The following ZNF783 variants were observed in gnomAD, a reference collection of about 807,000 sequenced individuals.
The protein encoded by ZNF783 is zinc finger protein 783.
In ZNF783, 25 loss-of-function variants were observed where a neutral mutation model predicts 31.3. The ratio of observed to expected loss-of-function variants is 0.80; its 90% CI spans 0.58 to 1.11. ZNF783 has a LOEUF of 1.11. Among genes scored for constraint, ZNF783 ranks in the 50% most tolerant of loss-of-function variants. The pLI, the probability that ZNF783 is intolerant of heterozygous loss-of-function variation, is 0.00. For missense variants in ZNF783, 797 were observed against 760.0 expected (o/e 1.05, Z -0.57); for synonymous variants, 369 against 319.1 (o/e 1.16, Z -1.66).
At chr7:149,273,516 C>T (rs1797256816) in intron 4 of ZNF783, among the ~76,000 whole-genome samples, 2 of 150,874 alleles carry the variant, frequency 1.3e-5, no homozygotes, top group Admixed American at 1.3e-4. Context: ...TGTTGAGCAC[C>T]TTTTCATATA....
chr7:149,267,233 G>A lies in ZNF783; in HGVS notation c.673+11G>A, dbSNP rs1331185253. Reference sequence around the variant, plus strand: ...GGATGATGGGCACTGGTAAGTATAGGAGCCAGATGTGGTTGGGGGGCCGCC... The same window carrying A: ...GGATGATGGGCACTGGTAAGTATAGAAGCCAGATGTGGTTGGGGGGCCGCC... On this transcript the variant is annotated intron_variant, in intron 4 of 5. Transcript: ENST00000434415. 5.7e-6 allele frequency: 9 copies of A among 1,573,696 alleles called. No individual in the cohort carries two copies. The highest frequency in any genetic ancestry group is 1.4e-5 in the African/African-American group (1 of 73,968).
rs1345249151 is a variant in ZNF783, at chr7:149,278,637, G to A, written c.802+110G>A. The A allele has an allele frequency of 7.3e-6, 11 of 1,513,626 alleles. No individual in the cohort carries two copies. In the Admixed American group the frequency reaches 2.1e-4, roughly 29 times the overall value. The allele number at this position is 1,513,626 out of a possible 1,614,324, so 93.8% of individuals were successfully genotyped here. ...TGGAAGCATGGGGCTGGGAGAGAGG[G>A]CTGGGAGACTGGTTGGGCTGGGCCG... On this transcript the variant is annotated intron_variant, in intron 5 of 5. Coordinates refer to ENST00000434415, the MANE Select transcript of ZNF783 (RefSeq NM_001195220.2).
chr7:149,267,353 A>T, intron 4 of ZNF783, 131 bp downstream of exon 4: 1 of 1,298,404 alleles, frequency 7.7e-7, no homozygotes. Flanking sequence ...AAGTGGGACC[A>T]CTCTGTACAA....
At chr7:149,268,038 C>T (rs992936832) in intron 4 of ZNF783, among the ~76,000 whole-genome samples, 7 of 152,226 alleles carry the variant, frequency 4.6e-5, no homozygotes, top group African/African-American at 1.7e-4. Context: ...CCAAAGGGGA[C>T]TGCACATCAC....
intron 4 of ZNF783, among the ~76,000 whole-genome samples, chr7:149,268,639 G>A (rs1027756919): frequency 6.6e-5 from 10 of 152,090 alleles, no homozygotes; most frequent in African/African-American, 2.4e-4. Flanking sequence ...GTCTATTTTT[G>A]CCAGGTTTAT....
intron 4 of ZNF783, chr7:149,276,653 T>A (rs956113863): frequency 1.3e-6 from 1 of 757,440 alleles, no homozygotes. Context: ...TTGGGTTACT[T>A]TTTATTTATT....
chr7:149,273,426 T>C (rs1329001049), intron 4 of ZNF783, among the ~76,000 whole-genome samples: 1 of 152,230 alleles, frequency 6.6e-6, no homozygotes, highest in Non-Finnish European at 1.5e-5. Context: ...ATTGCCCGTC[T>C]TTTGGATAAA....
Position 149,276,468 on chromosome 7 carries a change from C to T in ZNF783, c.674-1931C>T, listed in dbSNP as rs575724469. On this transcript the variant is annotated intron_variant, in intron 4 of 5. Transcript: ENST00000434415. ...CAACATTTTTAGGGGCAGTGTAACC[C>T]GTTGGTTTATAACTCTCCCGTACGT... The T allele has an allele frequency of 1.0e-5, 10 of 985,660 alleles. No homozygotes were observed. The East Asian group carries it at 7.9e-4, about 78-fold the overall frequency. 61.1% of individuals were successfully genotyped at this position (985,660 alleles called of 1,614,324 possible).
intron 4 of ZNF783, among the ~76,000 whole-genome samples, chr7:149,270,033 G>T (rs961530042): frequency 2.6e-5 from 4 of 152,134 alleles, no homozygotes; most frequent in Non-Finnish European, 5.9e-5. Context: ...GTATTCCATG[G>T]TGTATATGTG....
intron 4 of ZNF783, among the ~76,000 whole-genome samples, chr7:149,270,664 T>A (rs897438404): frequency 2.0e-5 from 3 of 152,242 alleles, no homozygotes; most frequent in African/African-American, 7.2e-5. Context: ...GAGCCTCTTT[T>A]TTAAGTTGGC....
At chr7:149,279,619 G>C (rs1357404850) in intron 5 of ZNF783, among the ~76,000 whole-genome samples, 3 of 146,688 alleles carry the variant, frequency 2.0e-5, no homozygotes, top group African/African-American at 7.6e-5. Context: ...GCTAGCACCA[G>C]CATTTTATCT....
intron 5 of ZNF783, 32 bp downstream of exon 5, chr7:149,278,559 C>T: frequency 6.3e-7 from 1 of 1,598,450 alleles, no homozygotes; most frequent in Non-Finnish European, 8.5e-7. Flanking sequence ...GCAGGATGAA[C>T]AGTGTCCCGA....
chr7:149,283,724 T>C lies in ZNF783; in HGVS notation c.*1381T>C, dbSNP rs1333648224. 6.6e-6 allele frequency: 1 copy of C among 152,248 alleles called. No individual in the cohort carries two copies. The highest frequency in any genetic ancestry group is 1.5e-5 in the Non-Finnish European group (1 of 68,060). The allele number at this position is 152,248 out of a possible 1,614,324, so 9.4% of individuals were successfully genotyped here. ...GGGTGAATCCTTTAGTCACAGCTAG[T>C]CTCATGTTCCTCTTCTGTCAAAGGG... On this transcript the variant is annotated 3_prime_UTR_variant, in exon 6 of 6. Transcript: ENST00000434415.
rs1423932122 is a variant in ZNF783, at chr7:149,282,123, C to G, written c.1421C>G (p.Ala474Gly). The G allele has an allele frequency of 1.9e-6, 3 of 1,598,846 alleles. No homozygotes were observed. The African/African-American group carries it at 4.0e-5, about 21-fold the overall frequency. The change falls in exon 6 of 6, where the codon GCC becomes GGC. Residue 474 changes from alanine to glycine, a missense_variant. Physicochemically the swap from Ala to Gly is moderately conservative, Grantham distance 60. Coordinates refer to ENST00000434415, the MANE Select transcript of ZNF783 (RefSeq NM_001195220.2). ...CCCGCCTGCCCCTACTGCGGCAAGG[C>G]CTTCCGCCGGCCCTCGGACCTCTTC... ...GWPACPYCGK[A>G]FRRPSDLFRH...
Position 149,281,725 on chromosome 7 carries a change from C to T in ZNF783, c.1023C>T (p.Leu341=), listed in dbSNP as rs1486880193. ...CCAGTGGGGAGACGCCCCGAGTCCTCTCCCGCAGGCGGCAGCGGGCATTCC... is the reference window on the plus strand; with the variant it reads ...CCAGTGGGGAGACGCCCCGAGTCCTTTCCCGCAGGCGGCAGCGGGCATTCC... ...PGASGETPRV[L]SRRRQRAFPC... The change falls in exon 6 of 6, where the codon CTC becomes CTT. Residue 341 remains leucine (L), a synonymous_variant. Transcript: ENST00000434415. 1.3e-6 allele frequency: 2 copies of T among 1,481,788 alleles called. No individual in the cohort carries two copies. Among genetic ancestry groups the T allele is most frequent in the East Asian group, 2.4e-5 (1 of 41,506 alleles). 91.8% of individuals were successfully genotyped at this position (1,481,788 alleles called of 1,614,324 possible).
chr7:149,281,889 C>A lies in ZNF783; in HGVS notation c.1187C>A (p.Pro396Gln). Reference sequence around the variant, plus strand: ...GGGGACAGCCAGGCCATGCTGGAGCCGGGGGAGGTGGTGGTACCCGGCCCT... The same window carrying A: ...GGGGACAGCCAGGCCATGCTGGAGCAGGGGGAGGTGGTGGTACCCGGCCCT... ...SCGDSQAMLEPGEVVVPGPVI... is the reference protein window; with the variant it reads ...SCGDSQAMLEQGEVVVPGPVI... Residue 396 changes from proline to glutamine, a missense_variant, in exon 6 of 6, where the codon CCG becomes CAG. Transcript: ENST00000434415. The A allele has an allele frequency of 6.6e-7, 1 of 1,511,326 alleles. No homozygotes were observed. The highest frequency in any genetic ancestry group is 8.8e-7 in the Non-Finnish European group (1 of 1,136,150). 93.6% of individuals were successfully genotyped at this position (1,511,326 alleles called of 1,614,324 possible).
chr7:149,267,657 C>T lies in ZNF783; in HGVS notation c.673+435C>T, dbSNP rs139071302. Among the ~76,000 whole-genome samples, 341 of 152,124 alleles carry T rather than the reference C, an allele frequency of 2.2e-3. 2 individuals carry two copies. The highest frequency in any genetic ancestry group is 0.01 in the Middle Eastern group (3 of 294). Reference sequence around the variant, plus strand: ...GTAAAAATACAAAAAATTAGCCGGGCGTGGTGGCAGGCGCCTGTAGTCCCA... The same window carrying T: ...GTAAAAATACAAAAAATTAGCCGGGTGTGGTGGCAGGCGCCTGTAGTCCCA... On this transcript the variant is annotated intron_variant, in intron 4 of 5. Coordinates refer to ENST00000434415, the MANE Select transcript of ZNF783 (RefSeq NM_001195220.2).
intron 1 of ZNF783, among the ~76,000 whole-genome samples, chr7:149,263,322 A>ATT (rs1355010653): frequency 8.8e-6 from 1 of 113,650 alleles, no homozygotes; most frequent in Admixed American, 8.6e-5. Context: ...ATATATATAT[A>ATT]TATTTTTTTT....
At chr7:149,268,048 C>G (rs1364086426) in intron 4 of ZNF783, among the ~76,000 whole-genome samples, 1 of 152,210 alleles carries the variant, frequency 6.6e-6, no homozygotes, top group Non-Finnish European at 1.5e-5. Flanking sequence ...CTGCACATCA[C>G]AATCCTCTGG....
Sources: gnomAD v4.1 joint callset for allele counts (sites outside exome capture counted in the v4.1 genomes callset) on GRCh38, gnomAD v4.1.1 for gene constraint, MANE v1.5 for transcripts, NCBI Gene and HGNC (gene_info 2026-07-23, HGNC 2026-07-21) for gene names.